Variants in MGAM observed in about 807,000 individuals in gnomAD.
MGAM encodes the protein maltase-glucoamylase.
A neutral mutation model predicts 358.8 loss-of-function variants in MGAM; 253 were observed. The ratio of observed to expected loss-of-function variants is 0.71; its 90% CI spans 0.64 to 0.78. The LOEUF (loss-of-function observed/expected upper bound fraction) is 0.78. MGAM is among the 30% of genes least tolerant of loss of function. The probability of loss-of-function intolerance (pLI) is 0.00; values close to 1 mark genes in which losing one functional copy is unlikely to be tolerated. For synonymous variants in MGAM, 1,105 were observed against 1,227.1 expected, an observed-to-expected ratio of 0.90 and a Z score of 2.08; for missense variants, 3,080 against 3,432.6, an observed-to-expected ratio of 0.90 and a Z score of 2.57.
intron 67 of MGAM, 46 bp downstream of exon 67, chr7:142,099,783 A>G (rs529305860): frequency 6.2e-6 from 10 of 1,602,374 alleles, no homozygotes; most frequent in Admixed American, 5.1e-5. Context: ...AGTTAGCTCA[A>G]CAATTTGTAA....
chr7:142,085,766 G>A, intron 54 of MGAM, 67 bp from the exon 55 acceptor site: 2 of 1,490,156 alleles, frequency 1.3e-6, no homozygotes, highest in South Asian at 1.2e-5. Flanking sequence ...GGTGGTGGAG[G>A]CTTGTTCTCC....
intron 10 of MGAM, among the ~76,000 whole-genome samples, chr7:142,029,839 G>A (rs1807305720): frequency 6.6e-6 from 1 of 152,134 alleles, no homozygotes; most frequent in South Asian, 2.1e-4. Flanking sequence ...ACAAACCTAG[G>A]TTGTAGAGAA....
chr7:142,073,562 A>G (rs962654820), intron 44 of MGAM, among the ~76,000 whole-genome samples: 4 of 146,672 alleles, frequency 2.7e-5, no homozygotes, highest in African/African-American at 4.9e-5. Context: ...GATCATTAGA[A>G]TGATTTATTT....
At position 142,030,672 on chromosome 7, in the gene MGAM, G is replaced by A. The variant is rs1563130382; in HGVS notation, c.1385G>A (p.Ser462Asn). 1.2e-6 allele frequency: 2 copies of A among 1,613,104 alleles called. No individual in the cohort carries two copies. The highest frequency in any genetic ancestry group is 3.3e-5 in the Admixed American group (2 of 59,980). ...DPAISNNSSS[S>N]KPYGPYDRGS... ...GCCATCTCCAACAACTCTTCCTCAA[G>A]TAAACCCTATGGCCCATATGACAGG... Residue 462 changes from serine to asparagine, a missense_variant, in exon 12 of 71, where the codon AGT becomes AAT. By Grantham distance (46) the Ser-to-Asn change is conservative. This residue lies in a region of MGAM where 1,816 missense variants were observed against 1,840.5 expected (regional missense o/e 0.99). Coordinates refer to ENST00000475668, the MANE Select transcript of MGAM (RefSeq NM_001365693.1).
At chr7:142,095,945 A>G in intron 64 of MGAM, 1 of 718,864 alleles carries the variant, frequency 1.4e-6, no homozygotes, top group Non-Finnish European at 2.2e-6. Flanking sequence ...GCATAGAATA[A>G]TTTCTTTCTA....
Position 142,068,538 on chromosome 7 carries a change from C to A in MGAM, c.5005-109C>A, listed in dbSNP as rs1813045375. The stretch of plus-strand genomic sequence containing the variant: ...GTTGTTAACCTCTTGGGACATGAGG[C>A]AGCTGGGTCCAAAGCCATCACAATT... On this transcript the variant is annotated intron_variant, in intron 42 of 70. Transcript: ENST00000475668. 3.4e-6 allele frequency: 3 copies of A among 870,936 alleles called. No homozygotes were observed. In the East Asian group the frequency reaches 7.9e-5, roughly 23 times the overall value. The allele number at this position is 870,936 out of a possible 1,614,324, so 54.0% of individuals were successfully genotyped here. A position where few individuals can be genotyped will look rare whatever the true frequency, so the allele number is the denominator to read the frequency against.
At position 142,092,524 on chromosome 7, in the gene MGAM, A is replaced by G. The variant is rs560994970; in HGVS notation, c.6949A>G (p.Met2317Val). ...SLKFDGMWIDMNEPSSFVNGA... is the reference protein window; with the variant it reads ...SLKFDGMWIDVNEPSSFVNGA... ...TGTCTGTGTTTGGCATTTCTAGGAT[A>G]TGAATGAACCATCAAGCTTCGTGAA... Residue 2317 changes from methionine (M) to valine (V), a missense_variant, in exon 59 of 71, where the codon ATG becomes GTG. Transcript: ENST00000475668. The G allele has an allele frequency of 1.6e-5, 25 of 1,546,444 alleles. 3 individuals are homozygous for G. Among genetic ancestry groups the G allele is most frequent in the Non-Finnish European group, 2.0e-5 (23 of 1,127,588 alleles).
chr7:142,032,445 C>T (rs782043256), intron 13 of MGAM, among the ~76,000 whole-genome samples: 2 of 151,808 alleles, frequency 1.3e-5, no homozygotes, highest in Non-Finnish European at 1.5e-5. Context: ...CCTTTATGTG[C>T]TCTCTCTCTC....
Position 142,094,741 on chromosome 7 carries a change from T to C in MGAM, c.7342-6T>C. 1 of 1,613,712 alleles carries C rather than the reference T, an allele frequency of 6.2e-7. No homozygotes were observed. Among genetic ancestry groups the C allele is most frequent in the South Asian group, 1.1e-5 (1 of 91,062 alleles). On this transcript the variant is annotated splice_region_variant and splice_polypyrimidine_tract_variant and intron_variant, in intron 62 of 70. Transcript: ENST00000475668. ...AGCAGGCTCCTTTTATTTCCTCTTG[T>C]TTCAGACGGGAGCAGATATCTGTGG...
chr7:142,082,243 G>A, intron 51 of MGAM, 33 bp downstream of exon 51: 5 of 1,539,934 alleles, frequency 3.2e-6, no homozygotes, highest in Non-Finnish European at 3.6e-6. Flanking sequence ...CTGTGTCTCT[G>A]CTTCTCTCCA....
intron 3 of MGAM, 21 bp from the exon 4 acceptor site, chr7:142,019,178 T>A: frequency 6.2e-7 from 1 of 1,610,226 alleles, no homozygotes; most frequent in African/African-American, 1.3e-5. Context: ...TGGAGCTTCT[T>A]TGACTAACCT....
intron 64 of MGAM, 121 bp downstream of exon 64, chr7:142,095,834 G>C (rs963016271): frequency 7.0e-7 from 1 of 1,433,120 alleles, no homozygotes; most frequent in African/African-American, 1.4e-5. Context: ...TTCAGGTGCA[G>C]ACCATACTTT....
chr7:142,049,726 T>C (rs1203423455), intron 22 of MGAM, among the ~76,000 whole-genome samples: 1 of 152,088 alleles, frequency 6.6e-6, no homozygotes, highest in South Asian at 2.1e-4. Flanking sequence ...GACACAGGTA[T>C]GCAAATAAAA....
intron 10 of MGAM, chr7:142,030,096 G>A: frequency 2.6e-6 from 1 of 386,376 alleles, no homozygotes; most frequent in Non-Finnish European, 4.7e-6. Flanking sequence ...TGCTTGATTG[G>A]TTTTTAATGC....
intron 63 of MGAM, 73 bp downstream of exon 63, chr7:142,094,936 G>A: frequency 6.8e-7 from 1 of 1,470,360 alleles, no homozygotes; most frequent in Non-Finnish European, 9.3e-7. Context: ...AGTTAATGCA[G>A]TCTGTATTTC....
intron 30 of MGAM, among the ~76,000 whole-genome samples, chr7:142,057,277 G>GGTA (rs201743657): frequency 1.6e-4 from 24 of 151,550 alleles, no homozygotes; most frequent in African/African-American, 4.9e-4. Context: ...TGATGGTGGT[G>GGTA]GTAGTAGTGG....
chr7:142,068,292 C>T (rs1469215127), intron 42 of MGAM, among the ~76,000 whole-genome samples: 4 of 142,608 alleles, frequency 2.8e-5, no homozygotes, highest in Middle Eastern at 3.6e-3. Flanking sequence ...CCATCGCGCC[C>T]GGCCCCAAAA....
intron 1 of MGAM, among the ~76,000 whole-genome samples, chr7:142,002,266 CA>C (rs1316506287): frequency 6.6e-6 from 1 of 152,024 alleles, no homozygotes; most frequent in Non-Finnish European, 1.5e-5. Flanking sequence ...AAAGACACAA[CA>C]AAAGAATAAA....
intron 3 of MGAM, among the ~76,000 whole-genome samples, chr7:142,015,609 A>G (rs967446719): frequency 6.6e-6 from 1 of 151,962 alleles, no homozygotes; most frequent in Non-Finnish European, 1.5e-5. Context: ...TCTGGAAGTA[A>G]TGGATGATTT....
Sources: allele counts gnomAD v4.1 joint callset (sites outside exome capture counted in the v4.1 genomes callset), GRCh38; gene constraint gnomAD v4.1.1; regional missense constraint gnomAD v4.1.1; transcripts MANE v1.5; gene names NCBI Gene and HGNC (gene_info 2026-07-23, HGNC 2026-07-21).